The following ANOS1 variants were observed in gnomAD, a reference collection of about 807,000 sequenced individuals.
The protein encoded by ANOS1 is anosmin-1.
Under a neutral mutation model 59.0 loss-of-function variants are expected in ANOS1, and 6 were observed. The ratio of observed to expected loss-of-function variants is 0.10; its 90% CI spans 0.06 to 0.20. The LOEUF (loss-of-function observed/expected upper bound fraction) is 0.20. ANOS1 is among the 10% of genes least tolerant of loss of function. The probability of loss-of-function intolerance (pLI) is 1.00; values close to 1 mark genes in which losing one functional copy is unlikely to be tolerated. For synonymous variants in ANOS1, 217 were observed against 223.4 expected (o/e 0.97, Z 0.25); for missense variants, 433 against 542.3 (o/e 0.80, Z 2.00).
At position 8,535,729 on chromosome X, in the gene ANOS1, G is replaced by T. The variant is rs1929579074; in HGVS notation, c.1704C>A (p.His568Gln). 5.8e-6 allele frequency: 7 copies of T among 1,211,874 alleles called. No homozygotes were observed. In the East Asian group the frequency reaches 2.1e-4, roughly 36 times the overall value. ...FIVQDVNITG[H>Q]FSWKMAKANL... ...TGGCCTTGGCCATCTTCCAAGAAAA[G>T]TGACCGGTGATGTTCACATCCTGGA... The change falls in exon 12 of 14, where the codon CAC (histidine) becomes CAA (glutamine). Residue 568 changes from histidine to glutamine, a missense_variant. His to Gln is a conservative substitution (Grantham distance 24). Coordinates refer to ENST00000262648, the MANE Select transcript of ANOS1 (RefSeq NM_000216.4).
In ANOS1 at chrX:8,668,277, A is replaced by G. The variant is rs750801614; in HGVS notation, c.255+31421T>C. 2.7e-3 allele frequency among the ~76,000 whole-genome samples: 285 copies of G among 106,594 alleles called. 1 individual carries two copies. Among genetic ancestry groups the G allele is most frequent in the Non-Finnish European group, 4.7e-3 (244 of 51,916 alleles). The allele number at this position is 106,594 out of a possible 115,157, so 92.6% of individuals were successfully genotyped here. The stretch of plus-strand genomic sequence containing the variant: ...AGCTCCCACTTAGGAGTGAGAATAT[A>G]TGATGTTTAGTTTTCCATTCCTGAG... On this transcript the variant is annotated intron_variant, in intron 2 of 13. Transcript: ENST00000262648.
At chrX:8,634,974 A>C (rs368422680) in intron 2 of ANOS1, among the ~76,000 whole-genome samples, 184 of 111,740 alleles carry the variant, frequency 1.6e-3, no homozygotes, top group African/African-American at 5.7e-3. Flanking sequence ...CTGTAAAGTC[A>C]GTTTCAATAG....
At chrX:8,533,281 G>A (rs778153281) in intron 13 of ANOS1, among the ~76,000 whole-genome samples, 2 of 111,715 alleles carry the variant, frequency 1.8e-5, no homozygotes, top group South Asian at 7.5e-4. Flanking sequence ...AGAAAAAGAA[G>A]ACAAGCTCCT....
intron 4 of ANOS1, among the ~76,000 whole-genome samples, chrX:8,589,737 C>A (rs1455374600): frequency 8.9e-6 from 1 of 112,028 alleles, no homozygotes; most frequent in Non-Finnish European, 1.9e-5. Context: ...GATTAGCATA[C>A]TGCTGCTAAG....
At chrX:8,667,090 C>G (rs967031226) in intron 2 of ANOS1, among the ~76,000 whole-genome samples, 4 of 111,617 alleles carry the variant, frequency 3.6e-5, no homozygotes, top group Non-Finnish European at 3.8e-5. Context: ...AAATTATAAA[C>G]TCTGTCCTCC....
At chrX:8,646,023 G>A (rs1931747826) in intron 2 of ANOS1, among the ~76,000 whole-genome samples, 1 of 108,221 alleles carries the variant, frequency 9.2e-6, no homozygotes, top group Non-Finnish European at 1.9e-5. Flanking sequence ...CCTGACCTCA[G>A]GTGATCCACC....
At chrX:8,656,701 AAGT>A (rs1931936585) in intron 2 of ANOS1, among the ~76,000 whole-genome samples, 1 of 111,538 alleles carries the variant, frequency 9.0e-6, no homozygotes, top group South Asian at 3.7e-4. Flanking sequence ...CTGTTCTGCA[AAGT>A]CCAGGCTCTT....
chrX:8,567,690 A>G (rs1235846774), intron 8 of ANOS1, among the ~76,000 whole-genome samples: 3 of 111,186 alleles, frequency 2.7e-5, no homozygotes, highest in Non-Finnish European at 3.8e-5. Context: ...GCTACTCAGG[A>G]GACTGAGGCA....
intron 7 of ANOS1, among the ~76,000 whole-genome samples, chrX:8,569,486 CA>C (rs751382724): frequency 3.6e-5 from 4 of 110,953 alleles, no homozygotes; most frequent in Admixed American, 1.9e-4. Context: ...ACTAAAAATA[CA>C]AAAAATTAGC....
At chrX:8,581,560 C>A (rs1380556456) in intron 6 of ANOS1, among the ~76,000 whole-genome samples, 1 of 111,624 alleles carries the variant, frequency 9.0e-6, no homozygotes, top group Non-Finnish European at 1.9e-5. Context: ...ATAGTAGATT[C>A]CATTATGTTT....
chrX:8,554,033 G>T lies in ANOS1; in HGVS notation c.1273C>A (p.Pro425Thr). 1 of 1,206,441 alleles carries T rather than the reference G, an allele frequency of 8.3e-7. No individual in the cohort carries two copies. The highest frequency in any genetic ancestry group is 1.1e-6 in the Non-Finnish European group (1 of 890,579). The change falls in exon 9 of 14, where the codon CCC becomes ACC. Residue 425 changes from proline to threonine, a missense_variant. Pro to Thr is a conservative substitution (Grantham distance 38). Transcript: ENST00000262648. ...GCTCCGACTTCCAGCGGGCGAGTGG[G>T]TCGTCGTCTTTGAAAAGGGAGTTGT... ...QTQLPFQRRRPTRPLEVGAPF... is the reference protein window; with the variant it reads ...QTQLPFQRRRTTRPLEVGAPF...
chrX:8,636,924 CA>C (rs1390175118), intron 2 of ANOS1, among the ~76,000 whole-genome samples: 1 of 112,137 alleles, frequency 8.9e-6, no homozygotes, highest in African/African-American at 3.2e-5. Context: ...AAGGAAACAC[CA>C]TGGTGGAGAA....
intron 2 of ANOS1, among the ~76,000 whole-genome samples, chrX:8,673,222 G>A (rs371396992): frequency 1.2e-3 from 136 of 109,582 alleles, no homozygotes; most frequent in African/African-American, 4.1e-3. Context: ...AGCACTGAAT[G>A]TTCCATGCAC....
chrX:8,561,701 C>T (rs958147453), intron 8 of ANOS1, among the ~76,000 whole-genome samples: 2 of 109,182 alleles, frequency 1.8e-5, no homozygotes, highest in Non-Finnish European at 3.8e-5. Flanking sequence ...CCCACCTTGA[C>T]CTCCCAAATT....
At chrX:8,683,438 T>C (rs5978942) in intron 2 of ANOS1, among the ~76,000 whole-genome samples, 40,787 of 109,882 alleles carry the variant, frequency 0.37, 5,601 homozygotes, top group East Asian at 0.61. Context: ...CCAAACTCTA[T>C]TGTGCCTCTC....
chrX:8,645,429 A>G (rs1183314953), intron 2 of ANOS1, among the ~76,000 whole-genome samples: 1 of 111,823 alleles, frequency 8.9e-6, no homozygotes, highest in Admixed American at 9.4e-5. Context: ...GGCTCAAAAC[A>G]CACACACCTT....
chrX:8,579,330 T>C (rs1209524004), intron 6 of ANOS1, among the ~76,000 whole-genome samples: 1 of 111,372 alleles, frequency 9.0e-6, no homozygotes, highest in African/African-American at 3.3e-5. Flanking sequence ...TGAACAATAA[T>C]GTAAAGCTCG....
rs180729410 is a variant in ANOS1 at position 8,553,301 on chromosome X, T to A, written c.1354+651A>T. Among the ~76,000 whole-genome samples, 448 of 106,185 alleles carry A rather than the reference T, an allele frequency of 4.2e-3. 3 individuals are homozygous for A. The highest frequency in any genetic ancestry group is 0.016 in the African/African-American group (419 of 25,518). The allele number at this position is 106,185 out of a possible 115,157, so 92.2% of individuals were successfully genotyped here. A position where few individuals can be genotyped will look rare whatever the true frequency, so the allele number is the denominator to read the frequency against. ...AAGGATAAATGTATTGCAGCCTTAATTAGAAAACAGAAATTCTAAAGAACT... is the reference window on the plus strand; with the variant it reads ...AAGGATAAATGTATTGCAGCCTTAAATAGAAAACAGAAATTCTAAAGAACT... On this transcript the variant is annotated intron_variant, in intron 9 of 13. Transcript: ENST00000262648.
rs144424634 is a variant in ANOS1, at chrX:8,627,919, A to T, written c.256-4249T>A. Among the ~76,000 whole-genome samples the T allele has an allele frequency of 2.7e-3, 301 of 111,116 alleles. 1 individual carries two copies. The highest frequency in any genetic ancestry group is 9.4e-3 in the African/African-American group (286 of 30,553). On this transcript the variant is annotated intron_variant, in intron 2 of 13. Transcript: ENST00000262648. Reference sequence around the variant, plus strand: ...GAACCCAAAGGACTCTATCTTGAACAGGGGCTGGGTAAAATGAGGCCAAGA... The same window carrying T: ...GAACCCAAAGGACTCTATCTTGAACTGGGGCTGGGTAAAATGAGGCCAAGA...
Sources: allele counts gnomAD v4.1 joint callset (sites outside exome capture counted in the v4.1 genomes callset), GRCh38; gene constraint gnomAD v4.1.1; transcripts MANE v1.5; gene names NCBI Gene and HGNC (gene_info 2026-07-23, HGNC 2026-07-21).